The following MAP4 variants were observed in gnomAD, a reference collection of about 807,000 sequenced individuals.
MAP4 encodes microtubule-associated protein 4.
In MAP4, 76 loss-of-function variants were observed where a neutral mutation model predicts 170.2. That is an observed-to-expected ratio of 0.45 (90% CI 0.37 to 0.54). The LOEUF (loss-of-function observed/expected upper bound fraction) is 0.54, where lower values mean the gene tolerates loss of function less well. MAP4 is among the 20% of genes least tolerant of loss of function. The pLI is 0.00. For missense variants in MAP4, 2,506 were observed against 2,748.0 expected, an observed-to-expected ratio of 0.91 and a Z score of 1.97; for synonymous variants, 909 against 994.5, an observed-to-expected ratio of 0.91 and a Z score of 1.62.
At chr3:47,896,020 C>A (rs536269594) in intron 10 of MAP4, among the ~76,000 whole-genome samples, 1 of 152,056 alleles carries the variant, frequency 6.6e-6, no homozygotes, top group African/African-American at 2.4e-5. Flanking sequence ...GGGGGGCGGT[C>A]AGAACAAGAA....
At chr3:48,031,311 G>A (rs1461593788) in intron 1 of MAP4, among the ~76,000 whole-genome samples, 8 of 152,164 alleles carry the variant, frequency 5.3e-5, no homozygotes, top group Non-Finnish European at 7.3e-5. Flanking sequence ...CAGCACTTTG[G>A]GAAGCCAAAG....
chr3:47,925,648 C>T (rs1304889284), intron 4 of MAP4, among the ~76,000 whole-genome samples: 1 of 151,960 alleles, frequency 6.6e-6, no homozygotes, highest in Non-Finnish European at 1.5e-5. Flanking sequence ...TATATGATTC[C>T]CTTTATATAA....
At chr3:47,945,151 G>C (rs974532647) in intron 3 of MAP4, among the ~76,000 whole-genome samples, 2 of 151,692 alleles carry the variant, frequency 1.3e-5, no homozygotes, top group African/African-American at 4.8e-5. Flanking sequence ...TCAGGAGTTC[G>C]AGACCAGCCT....
intron 11 of MAP4, 70 bp downstream of exon 11, chr3:47,877,347 G>A: frequency 8.7e-7 from 1 of 1,151,436 alleles, no homozygotes; most frequent in East Asian, 2.4e-5. Flanking sequence ...CGTGATTCAA[G>A]CAATAACAGC....
intron 1 of MAP4, among the ~76,000 whole-genome samples, chr3:48,068,863 G>A (rs1040156050): frequency 1.3e-5 from 2 of 152,156 alleles, no homozygotes; most frequent in African/African-American, 2.4e-5. Context: ...TCATACCTAT[G>A]CACAATATGT....
intron 3 of MAP4, among the ~76,000 whole-genome samples, chr3:47,953,017 A>C (rs937907836): frequency 3.3e-5 from 5 of 152,218 alleles, no homozygotes; most frequent in Non-Finnish European, 7.3e-5. Flanking sequence ...TAGTGATTAA[A>C]TTTGACACTT....
Position 47,852,607 on chromosome 3 carries a change from C to T in MAP4, c.*327G>A. ...CCCAACTTAGCCTCAACCACCCCAA[C>T]CCCCTCCCAACCTCCTCCACGGAGC... is the stretch of plus-strand genomic sequence containing the variant. On this transcript the variant is annotated 3_prime_UTR_variant, in exon 21 of 21. Coordinates refer to ENST00000683076, the MANE Select transcript of MAP4 (RefSeq NM_001385682.1). 1 of 788,998 alleles carries T rather than the reference C, an allele frequency of 1.3e-6. No homozygotes were observed. Among genetic ancestry groups the T allele is most frequent in the South Asian group, 1.9e-5 (1 of 51,328 alleles). The allele number at this position is 788,998 out of a possible 1,614,324, so 48.9% of individuals were successfully genotyped here.
chr3:47,943,493 T>A (rs2100057777), intron 3 of MAP4, among the ~76,000 whole-genome samples: 1 of 152,004 alleles, frequency 6.6e-6, no homozygotes, highest in Non-Finnish European at 1.5e-5. Flanking sequence ...ATGTCTGTAA[T>A]CACAGCCACT....
chr3:47,867,952 C>G (rs937859110), intron 16 of MAP4, among the ~76,000 whole-genome samples: 8 of 152,192 alleles, frequency 5.3e-5, no homozygotes, highest in Non-Finnish European at 1.2e-4. Context: ...AGGGGAGCGG[C>G]TACAGCCTCC....
intron 1 of MAP4, among the ~76,000 whole-genome samples, chr3:48,030,503 G>C (rs912797566): frequency 6.7e-6 from 1 of 150,118 alleles, no homozygotes; most frequent in African/African-American, 2.4e-5. Context: ...AAAAAACAAC[G>C]ATAGGGGTAA....
At chr3:47,945,979 G>A (rs936054280) in intron 3 of MAP4, among the ~76,000 whole-genome samples, 6 of 151,936 alleles carry the variant, frequency 3.9e-5, no homozygotes, top group African/African-American at 1.4e-4. Context: ...CTGTCGCCCA[G>A]GCTGGAGTGC....
chr3:47,886,218 T>G (rs187755953), intron 10 of MAP4, among the ~76,000 whole-genome samples: 1 of 152,356 alleles, frequency 6.6e-6, no homozygotes, highest in East Asian at 1.9e-4. Context: ...TAACTGTGCA[T>G]AAGCAGAAAC....
intron 9 of MAP4, among the ~76,000 whole-genome samples, chr3:47,904,561 C>T (rs2100031825): frequency 6.6e-6 from 1 of 150,840 alleles, no homozygotes; most frequent in South Asian, 2.1e-4. Context: ...ATCTGCTGCG[C>T]CTGGCCAGTG....
At chr3:47,893,534 T>C (rs756571874) in intron 10 of MAP4, among the ~76,000 whole-genome samples, 33 of 152,326 alleles carry the variant, frequency 2.2e-4, no homozygotes, top group Non-Finnish European at 4.3e-4. Context: ...TTTGCTGCCC[T>C]GGGCTTTGAG....
At chr3:47,856,108 G>A (rs555111922) in intron 18 of MAP4, among the ~76,000 whole-genome samples, 1 of 152,232 alleles carries the variant, frequency 6.6e-6, no homozygotes, top group Admixed American at 6.5e-5. Flanking sequence ...CAAGGGGAAG[G>A]GTGCGGGACG....
intron 1 of MAP4, among the ~76,000 whole-genome samples, chr3:48,066,199 C>T (rs2100138179): frequency 6.6e-6 from 1 of 152,116 alleles, no homozygotes; most frequent in South Asian, 2.1e-4. Flanking sequence ...TTTACAAAAA[C>T]ATTAAAGGTC....
At chr3:47,969,628 C>A (rs751703780) in intron 3 of MAP4, among the ~76,000 whole-genome samples, 1 of 152,148 alleles carries the variant, frequency 6.6e-6, no homozygotes, top group Non-Finnish European at 1.5e-5. Context: ...CTAGCTATTG[C>A]TACAGCATCC....
At chr3:47,921,688 A>G in intron 5 of MAP4, 77 bp downstream of exon 5, 1 of 769,988 alleles carries the variant, frequency 1.3e-6, no homozygotes, top group Non-Finnish European at 2.3e-6. Context: ...ACAGAGCCCT[A>G]GTCAGTGAAC....
At chr3:47,873,152 G>T (rs2094038368) in intron 12 of MAP4, among the ~76,000 whole-genome samples, 1 of 152,214 alleles carries the variant, frequency 6.6e-6, no homozygotes, top group East Asian at 1.9e-4. Flanking sequence ...GAAGAGGCAG[G>T]CCTGATCAAC....
Sources: allele counts gnomAD v4.1 joint callset (sites outside exome capture counted in the v4.1 genomes callset), GRCh38; gene constraint gnomAD v4.1.1; transcripts MANE v1.5; gene names NCBI Gene and HGNC (gene_info 2026-07-23, HGNC 2026-07-21).